Variants in HOXD12 observed in about 807,000 individuals in gnomAD.
HOXD12 encodes the protein homeobox protein Hox-D12.
In HOXD12, 21 loss-of-function variants were observed where a neutral mutation model predicts 20.2. The ratio of observed to expected loss-of-function variants is 1.04; its 90% CI spans 0.74 to 1.50. The LOEUF (loss-of-function observed/expected upper bound fraction) is 1.50. Among genes scored for constraint, HOXD12 ranks in the 40% most tolerant of loss-of-function variants. The pLI, the probability that HOXD12 is intolerant of heterozygous loss-of-function variation, is 0.00. For missense variants in HOXD12, 472 were observed against 365.5 expected (o/e 1.29, Z -2.38); for synonymous variants, 196 against 168.8 (o/e 1.16, Z -1.25).
In HOXD12 at chr2:176,100,312, A is replaced by G; in HGVS notation, c.511A>G (p.Asn171Asp). The change falls in exon 1 of 2, where the codon AAC becomes GAC. Residue 171 changes from asparagine (N) to aspartate (D), a missense_variant. Physicochemically the swap from Asn to Asp is conservative, Grantham distance 23. Coordinates refer to ENST00000406506, the MANE Select transcript of HOXD12 (RefSeq NM_021193.4). Reference protein sequence around the residue: ...GFKDDTKGPLNLNMTVQAAGV... With the variant: ...GFKDDTKGPLDLNMTVQAAGV... The stretch of plus-strand genomic sequence containing the variant: ...CAAGGACGACACCAAGGGCCCGCTC[A>G]ACTTGAACATGACAGTGCAGGCGGC... The G allele has an allele frequency of 6.2e-7, 1 of 1,612,658 alleles. No homozygotes were observed. The highest frequency in any genetic ancestry group is 8.5e-7 in the Non-Finnish European group (1 of 1,179,856).
rs1246809573 is a variant in HOXD12 at position 176,101,465 on chromosome 2, G to A, written c.*705G>A. Among the ~76,000 whole-genome samples, 3 of 152,082 alleles carry A rather than the reference G, an allele frequency of 2.0e-5. No individual in the cohort carries two copies. The highest frequency in any genetic ancestry group is 7.2e-5 in the African/African-American group (3 of 41,426). On this transcript the variant is annotated 3_prime_UTR_variant, in exon 2 of 2. Coordinates refer to ENST00000406506, the MANE Select transcript of HOXD12 (RefSeq NM_021193.4). ...CTATTTCCAGCTGGGTAGAATATGT[G>A]GAACCTTCATTTCCTGAGATGGGAT...
chr2:176,100,198 A>G lies in HOXD12; in HGVS notation c.397A>G (p.Lys133Glu). ...CCTGGCTCCTGCAGTGGCTGCTCTC[A>G]AAGCGGCCAAGTATGACTACGCTGG... ...SSLAPAVAAL[K>E]AAKYDYAGVG... is the part of the protein sequence containing the mutation. The change falls in exon 1 of 2, where the codon AAA becomes GAA. Residue 133 changes from lysine (K) to glutamate (E), a missense_variant. Transcript: ENST00000406506. The G allele has an allele frequency of 1.2e-6, 2 of 1,612,150 alleles. No individual in the cohort carries two copies. Among genetic ancestry groups the G allele is most frequent in the African/African-American group, 2.7e-5 (2 of 75,056 alleles).
chr2:176,100,673 C>A lies in HOXD12; in HGVS notation c.726C>A (p.Ser242Arg). The A allele has an allele frequency of 6.2e-7, 1 of 1,613,952 alleles. No individual in the cohort carries two copies. The highest frequency in any genetic ancestry group is 8.5e-7 in the Non-Finnish European group (1 of 1,179,824). Residue 242 changes from serine to arginine, a missense_variant, in exon 2 of 2, where the codon AGC becomes AGA. Physicochemically the swap from Ser to Arg is moderately radical, Grantham distance 110. Coordinates refer to ENST00000406506, the MANE Select transcript of HOXD12 (RefSeq NM_021193.4). Reference sequence around the variant, plus strand: ...AATTGTCCAATAGGCTGAACCTCAGCGACCAGCAAGTCAAAATCTGGTTCC... The same window carrying A: ...AATTGTCCAATAGGCTGAACCTCAGAGACCAGCAAGTCAAAATCTGGTTCC... ...RKELSNRLNL[S>R]DQQVKIWFQN...
chr2:176,100,072 A>T lies in HOXD12; in HGVS notation c.271A>T (p.Lys91Ter). ...TCTCGGCCTGCAGCCCCCAACAGCC[A>T]AAGACGGACCCGAAGAGCAGGCTAA... ...GPLGLQPPTA[K>*]DGPEEQAKFY... Residue 91 changes from lysine to a stop codon, truncating the protein, a stop_gained, in exon 1 of 2, where the codon AAA becomes TAA. Coordinates refer to ENST00000406506, the MANE Select transcript of HOXD12 (RefSeq NM_021193.4). LOFTEE classifies it high-confidence loss of function. 6.3e-7 allele frequency: 1 copy of T among 1,596,364 alleles called. No individual in the cohort carries two copies.
In HOXD12 at chr2:176,099,957, C is replaced by G; in HGVS notation, c.156C>G (p.Ala52=). The part of the protein sequence containing the change: ...ISYPRGALPW[A]ATPASCAPAQ... Reference sequence around the variant, plus strand: ...ACCCGCGCGGCGCGCTGCCCTGGGCCGCCACGCCCGCCTCCTGCGCCCCCG... The same window carrying G: ...ACCCGCGCGGCGCGCTGCCCTGGGCGGCCACGCCCGCCTCCTGCGCCCCCG... Residue 52 remains alanine (A), a synonymous_variant, in exon 1 of 2, where the codon GCC becomes GCG. Coordinates refer to ENST00000406506, the MANE Select transcript of HOXD12 (RefSeq NM_021193.4). 1 of 1,598,410 alleles carries G rather than the reference C, an allele frequency of 6.3e-7. No homozygotes were observed.
In HOXD12 at chr2:176,099,851, A is replaced by G; in HGVS notation, c.50A>G (p.Asn17Ser). 3 of 1,563,326 alleles carry G rather than the reference A, an allele frequency of 1.9e-6. No homozygotes were observed. The highest frequency in any genetic ancestry group is 1.7e-6 in the Non-Finnish European group (2 of 1,161,042). Residue 17 changes from asparagine (N) to serine (S), a missense_variant, in exon 1 of 2, where the codon AAT becomes AGT. Coordinates refer to ENST00000406506, the MANE Select transcript of HOXD12 (RefSeq NM_021193.4). ...GCGGGCTATGTGGGCTCGCTTCTGA[A>G]TCTGCAGTCGCCAGACTCTTTCTAC... ...YRAGYVGSLLNLQSPDSFYFS... is the reference protein window; with the variant it reads ...YRAGYVGSLLSLQSPDSFYFS...
At position 176,100,299 on chromosome 2, in the gene HOXD12, C is replaced by G; in HGVS notation, c.498C>G (p.Thr166=). The change falls in exon 1 of 2, where the codon ACC becomes ACG. Residue 166 remains threonine, a synonymous_variant. Transcript: ENST00000406506. ...APCAPGFKDD[T]KGPLNLNMTV... ...GCGCCCCTGGCTTCAAGGACGACAC[C>G]AAGGGCCCGCTCAACTTGAACATGA... is the stretch of plus-strand genomic sequence containing the variant. 1 of 1,612,656 alleles carries G rather than the reference C, an allele frequency of 6.2e-7. No homozygotes were observed. Among genetic ancestry groups the G allele is most frequent in the South Asian group, 1.1e-5 (1 of 91,088 alleles).
In HOXD12 at chr2:176,100,125, GCCAGAGGAGCGCGGTCGTACCC is replaced by G; in HGVS notation, c.325_346del (p.Pro109GlyfsTer57). The G allele has an allele frequency of 1.9e-6, 3 of 1,610,312 alleles. No individual in the cohort carries two copies. Among genetic ancestry groups the G allele is most frequent in the Non-Finnish European group, 2.5e-6 (3 of 1,179,474 alleles). On this transcript the variant is annotated frameshift_variant, in exon 1 of 2. Transcript: ENST00000406506. LOFTEE classifies it high-confidence loss of function. ...TCTATGCGCCCGAAGCGGCCGCTGG[GCCAGAGGAGCGCGGTCGTACCC>G]GGCCGTCCTTCGCCCCCGAGTCTAG...
chr2:176,099,870 T>C lies in HOXD12; in HGVS notation c.69T>C (p.Ser23=). ...GSLLNLQSPD[S]FYFSNLRPNG... ...TTCTGAATCTGCAGTCGCCAGACTC[T>C]TTCTACTTCTCCAACCTGAGGCCGA... Residue 23 remains serine, a synonymous_variant, in exon 1 of 2, where the codon TCT becomes TCC. Coordinates refer to ENST00000406506, the MANE Select transcript of HOXD12 (RefSeq NM_021193.4). 1 of 1,587,630 alleles carries C rather than the reference T, an allele frequency of 6.3e-7. No individual in the cohort carries two copies. The highest frequency in any genetic ancestry group is 8.5e-7 in the Non-Finnish European group (1 of 1,170,356).
chr2:176,100,962 G>A lies in HOXD12; in HGVS notation c.*202G>A. 1.7e-6 allele frequency: 1 copy of A among 601,444 alleles called. No individual in the cohort carries two copies. Among genetic ancestry groups the A allele is most frequent in the South Asian group, 2.0e-5 (1 of 49,316 alleles). 37.3% of individuals were successfully genotyped at this position (601,444 alleles called of 1,614,324 possible). A position where few individuals can be genotyped will look rare whatever the true frequency, so the allele number is the denominator to read the frequency against. On this transcript the variant is annotated 3_prime_UTR_variant, in exon 2 of 2. Transcript: ENST00000406506. ...CTGAGAAGCCCGTGAGAAACGTGCG[G>A]AAGTACCAGTGCAACTCTGGCTGGC...
In HOXD12 at chr2:176,100,694, G is replaced by A. The variant is rs1398063955; in HGVS notation, c.747G>A (p.Trp249Ter). The A allele has an allele frequency of 6.2e-7, 1 of 1,614,046 alleles. No individual in the cohort carries two copies. Among genetic ancestry groups the A allele is most frequent in the East Asian group, 2.2e-5 (1 of 44,880 alleles). The change falls in exon 2 of 2, where the codon TGG becomes TGA. Residue 249 changes from tryptophan to a stop codon, truncating the protein, a stop_gained. Coordinates refer to ENST00000406506, the MANE Select transcript of HOXD12 (RefSeq NM_021193.4). LOFTEE classifies it high-confidence loss of function. The stretch of plus-strand genomic sequence containing the variant: ...TCAGCGACCAGCAAGTCAAAATCTG[G>A]TTCCAGAACAGGCGTATGAAGAAGA... ...LNLSDQQVKI[W>*]FQNRRMKKKR...
At position 176,100,681 on chromosome 2, in the gene HOXD12, A is replaced by G. The variant is rs1689482519; in HGVS notation, c.734A>G (p.Gln245Arg). 6.2e-7 allele frequency: 1 copy of G among 1,614,042 alleles called. No homozygotes were observed. Among genetic ancestry groups the G allele is most frequent in the Non-Finnish European group, 8.5e-7 (1 of 1,179,876 alleles). ...AATAGGCTGAACCTCAGCGACCAGC[A>G]AGTCAAAATCTGGTTCCAGAACAGG... is the stretch of plus-strand genomic sequence containing the variant. Reference protein sequence around the residue: ...LSNRLNLSDQQVKIWFQNRRM... With the variant: ...LSNRLNLSDQRVKIWFQNRRM... The change falls in exon 2 of 2, where the codon CAA becomes CGA. Residue 245 changes from glutamine (Q) to arginine (R), a missense_variant. Coordinates refer to ENST00000406506, the MANE Select transcript of HOXD12 (RefSeq NM_021193.4).
At position 176,099,935 on chromosome 2, in the gene HOXD12, C is replaced by T. The variant is rs532659358; in HGVS notation, c.134C>T (p.Pro45Leu). ...GCCGCGCTTCCCCCTATCTCCTACCCGCGCGGCGCGCTGCCCTGGGCCGCC... is the reference window on the plus strand; with the variant it reads ...GCCGCGCTTCCCCCTATCTCCTACCTGCGCGGCGCGCTGCCCTGGGCCGCC... ...QLAALPPISY[P>L]RGALPWAATP... Residue 45 changes from proline (P) to leucine (L), a missense_variant, in exon 1 of 2, where the codon CCG (proline) becomes CTG (leucine). Pro to Leu is a moderately conservative substitution (Grantham distance 98). Coordinates refer to ENST00000406506, the MANE Select transcript of HOXD12 (RefSeq NM_021193.4). 4 of 1,593,004 alleles carry T rather than the reference C, an allele frequency of 2.5e-6. No individual in the cohort carries two copies. Among genetic ancestry groups the T allele is most frequent in the Non-Finnish European group, 3.4e-6 (4 of 1,172,674 alleles).
Position 176,101,071 on chromosome 2 carries a change from C to T in HOXD12, c.*311C>T, listed in dbSNP as rs924062401. 1.9e-5 allele frequency: 9 copies of T among 475,494 alleles called. No homozygotes were observed. Among genetic ancestry groups the T allele is most frequent in the African/African-American group, 1.4e-4 (7 of 51,296 alleles). 29.5% of individuals were successfully genotyped at this position (475,494 alleles called of 1,614,324 possible). A position where few individuals can be genotyped will look rare whatever the true frequency, so the allele number is the denominator to read the frequency against. On this transcript the variant is annotated 3_prime_UTR_variant, in exon 2 of 2. Transcript: ENST00000406506. ...TTGCACCCACCGCTCATTCTTGCTC[C>T]CCGGTACCTGGATTTTTCTGTTTCC... is the stretch of plus-strand genomic sequence containing the variant.
chr2:176,100,748 G>GGCGCTC lies in HOXD12; in HGVS notation c.802_807dup (p.Ala268_Leu269dup). The GGCGCTC allele has an allele frequency of 6.2e-7, 1 of 1,612,776 alleles. No homozygotes were observed. The highest frequency in any genetic ancestry group is 2.2e-5 in the East Asian group (1 of 44,848). On this transcript the variant is annotated inframe_insertion, in exon 2 of 2. Coordinates refer to ENST00000406506, the MANE Select transcript of HOXD12 (RefSeq NM_021193.4). ...GCGTGGTGCTTCGGGAGCAGGCGCT[G>GGCGCTC]GCGCTCTACTAGCCGCGCGCGTGGC...
Position 176,100,689 on chromosome 2 carries a change from A to G in HOXD12, c.742A>G (p.Ile248Val). 1 of 1,614,040 alleles carries G rather than the reference A, an allele frequency of 6.2e-7. No homozygotes were observed. Among genetic ancestry groups the G allele is most frequent in the East Asian group, 2.2e-5 (1 of 44,882 alleles). The change falls in exon 2 of 2, where the codon ATC becomes GTC. Residue 248 changes from isoleucine (I) to valine (V), a missense_variant. Ile to Val is a conservative substitution (Grantham distance 29). Transcript: ENST00000406506. Reference protein sequence around the residue: ...RLNLSDQQVKIWFQNRRMKKK... With the variant: ...RLNLSDQQVKVWFQNRRMKKK... The stretch of plus-strand genomic sequence containing the variant: ...GAACCTCAGCGACCAGCAAGTCAAA[A>G]TCTGGTTCCAGAACAGGCGTATGAA...
Position 176,099,808 on chromosome 2 carries a change from G to A in HOXD12, c.7G>A (p.Glu3Lys). The A allele has an allele frequency of 1.3e-6, 2 of 1,481,530 alleles. No homozygotes were observed. The highest frequency in any genetic ancestry group is 1.8e-6 in the Non-Finnish European group (2 of 1,117,588). The allele number at this position is 1,481,530 out of a possible 1,614,324, so 91.8% of individuals were successfully genotyped here. A position where few individuals can be genotyped will look rare whatever the true frequency, so the allele number is the denominator to read the frequency against. Residue 3 changes from glutamate (E) to lysine (K), a missense_variant, in exon 1 of 2, where the codon GAG becomes AAG. Physicochemically the swap from Glu to Lys is moderately conservative, Grantham distance 56. Transcript: ENST00000406506. Reference protein sequence around the residue: MCERSLYRAGYVG... With the variant: MCKRSLYRAGYVG... ...CCGAAGCCCTTTGTTGGAGATGTGT[G>A]AGCGCAGTCTCTACAGAGCGGGCTA...
Position 176,100,218 on chromosome 2 carries a change from C to A in HOXD12, c.417C>A (p.Tyr139Ter). Residue 139 changes from tyrosine to a stop codon, truncating the protein, a stop_gained, in exon 1 of 2, where the codon TAC (tyrosine) becomes TAA (stop). Coordinates refer to ENST00000406506, the MANE Select transcript of HOXD12 (RefSeq NM_021193.4). LOFTEE classifies it high-confidence loss of function. ...VAALKAAKYD[Y>*]AGVGRATPGS... Reference sequence around the variant, plus strand: ...CTCTCAAAGCGGCCAAGTATGACTACGCTGGTGTGGGTCGTGCCACGCCGG... The same window carrying A: ...CTCTCAAAGCGGCCAAGTATGACTAAGCTGGTGTGGGTCGTGCCACGCCGG... 6.2e-7 allele frequency: 1 copy of A among 1,612,336 alleles called. No individual in the cohort carries two copies. The highest frequency in any genetic ancestry group is 8.5e-7 in the Non-Finnish European group (1 of 1,179,798).
At position 176,100,794 on chromosome 2, in the gene HOXD12, C is replaced by T; in HGVS notation, c.*34C>T. The T allele has an allele frequency of 1.4e-6, 2 of 1,446,464 alleles. No individual in the cohort carries two copies. Among genetic ancestry groups the T allele is most frequent in the Non-Finnish European group, 1.9e-6 (2 of 1,034,256 alleles). 89.6% of individuals were successfully genotyped at this position (1,446,464 alleles called of 1,614,324 possible). ...GTGGCCAGGGCCGGGTTGGATCTGCCCTTTTGGACAGAGGCCTTGTTTGGG... is the reference window on the plus strand; with the variant it reads ...GTGGCCAGGGCCGGGTTGGATCTGCTCTTTTGGACAGAGGCCTTGTTTGGG... On this transcript the variant is annotated 3_prime_UTR_variant, in exon 2 of 2. Coordinates refer to ENST00000406506, the MANE Select transcript of HOXD12 (RefSeq NM_021193.4).
Sources: gnomAD v4.1 joint callset for allele counts (sites outside exome capture counted in the v4.1 genomes callset) on GRCh38, gnomAD v4.1.1 for gene constraint, MANE v1.5 for transcripts, NCBI Gene and HGNC (gene_info 2026-07-23, HGNC 2026-07-21) for gene names.